RASGEF1C: variants seen among roughly 807,000 people sequenced by gnomAD.
The protein encoded by RASGEF1C is RasGEF domain family member 1C.
In RASGEF1C, 27 loss-of-function variants were observed where a neutral mutation model predicts 58.1. The observed-to-expected ratio is 0.46, with a 90% confidence interval of 0.34 to 0.64. The LOEUF (loss-of-function observed/expected upper bound fraction) is 0.64, where lower values mean the gene tolerates loss of function less well. Among genes scored for constraint, RASGEF1C ranks in the 30% least tolerant of loss-of-function variants. The pLI is 0.01. For synonymous variants in RASGEF1C, 243 were observed against 246.3 expected (o/e 0.99, Z 0.13); for missense variants, 502 against 605.1 (o/e 0.83, Z 1.79).
chr5:180,119,521 C>A (rs1263102429), intron 7 of RASGEF1C, 73 bp from the exon 8 acceptor site: 1 of 1,151,936 alleles, frequency 8.7e-7, no homozygotes, highest in East Asian at 2.4e-5. Context: ...CTCCCCTCAC[C>A]TGGCCCGCTT....
In RASGEF1C at chr5:180,114,467, G is replaced by T; in HGVS notation, c.1158C>A (p.Pro386=). 6.2e-7 allele frequency: 1 copy of T among 1,612,926 alleles called. No homozygotes were observed. Among genetic ancestry groups the T allele is most frequent in the South Asian group, 1.1e-5 (1 of 90,958 alleles). ...FLNEGCANRL[P]NGHVNFEKFL... The stretch of plus-strand genomic sequence containing the variant: ...CTACCTCAAAGTTGACGTGTCCATT[G>T]GGAAGGCGGTTGGCGCAGCCCTCAT... The change falls in exon 11 of 14, where the codon CCC becomes CCA. Residue 386 remains proline (P), a synonymous_variant. Transcript: ENST00000361132.
At chr5:180,118,915 C>T in intron 8 of RASGEF1C, 49 bp from the exon 9 acceptor site, 1 of 1,559,630 alleles carries the variant, frequency 6.4e-7, no homozygotes, top group Non-Finnish European at 8.8e-7. Context: ...GACAGGGGGG[C>T]CTCTGCGTAG....
intron 12 of RASGEF1C, among the ~76,000 whole-genome samples, chr5:180,106,976 C>T (rs1765882738): frequency 6.6e-6 from 1 of 152,118 alleles, no homozygotes; most frequent in Non-Finnish European, 1.5e-5. Flanking sequence ...GTTAGGATTG[C>T]TATATCTTGG....
intron 1 of RASGEF1C, among the ~76,000 whole-genome samples, chr5:180,187,003 A>G (rs986090544): frequency 3.3e-5 from 5 of 152,200 alleles, no homozygotes; most frequent in African/African-American, 1.2e-4. Context: ...TAAAATACAT[A>G]TGGAATTGCA....
At chr5:180,182,975 C>T (rs1333938891) in intron 1 of RASGEF1C, among the ~76,000 whole-genome samples, 1 of 152,204 alleles carries the variant, frequency 6.6e-6, no homozygotes, top group African/African-American at 2.4e-5. Flanking sequence ...GATGTCACTC[C>T]TGTGATTAGG....
chr5:180,117,979 G>A (rs1461644472), intron 10 of RASGEF1C, among the ~76,000 whole-genome samples: 1 of 123,524 alleles, frequency 8.1e-6, no homozygotes, highest in Non-Finnish European at 1.6e-5. Context: ...GGGCGACAGA[G>A]AGAGACTCCA....
chr5:180,174,552 GTGTC>G (rs1294324764), intron 1 of RASGEF1C, among the ~76,000 whole-genome samples: 3 of 145,950 alleles, frequency 2.1e-5, no homozygotes, highest in East Asian at 1.9e-4. Flanking sequence ...GTGTGTGCGT[GTGTC>G]TGTGTGTGCA....
At chr5:180,167,645 A>T (rs1247314486) in intron 1 of RASGEF1C, among the ~76,000 whole-genome samples, 3 of 151,996 alleles carry the variant, frequency 2.0e-5, no homozygotes, top group East Asian at 1.9e-4. Context: ...CCCTTACTTG[A>T]TGTAGCATTT....
intron 1 of RASGEF1C, among the ~76,000 whole-genome samples, chr5:180,191,118 T>G (rs1046577700): frequency 6.6e-6 from 1 of 152,188 alleles, no homozygotes; most frequent in Non-Finnish European, 1.5e-5. Flanking sequence ...TTAGAACGGC[T>G]AAAACTTAAA....
At chr5:180,186,205 T>A (rs1235258489) in intron 1 of RASGEF1C, among the ~76,000 whole-genome samples, 1 of 146,440 alleles carries the variant, frequency 6.8e-6, no homozygotes, top group East Asian at 2.0e-4. Flanking sequence ...GAAGAAGAAA[T>A]AAATGGCTTT....
chr5:180,104,263 G>A (rs1208395976), intron 12 of RASGEF1C, among the ~76,000 whole-genome samples: 2 of 152,286 alleles, frequency 1.3e-5, no homozygotes, highest in South Asian at 4.1e-4. Context: ...GTGGGGTCTG[G>A]AGGAGGCGAT....
intron 6 of RASGEF1C, among the ~76,000 whole-genome samples, chr5:180,125,707 G>A (rs914724860): frequency 2.6e-5 from 4 of 151,984 alleles, no homozygotes; most frequent in South Asian, 2.1e-4. Context: ...GCTTGAACCC[G>A]GGAGGTGGAG....
chr5:180,117,546 C>G (rs78011085), intron 10 of RASGEF1C, among the ~76,000 whole-genome samples: 4,449 of 152,280 alleles, frequency 0.029, 220 homozygotes, highest in African/African-American at 0.1. Context: ...ATGAACAACT[C>G]TAATCATCAG....
At chr5:180,147,453 T>C (rs1055032612) in intron 1 of RASGEF1C, among the ~76,000 whole-genome samples, 4 of 152,288 alleles carry the variant, frequency 2.6e-5, no homozygotes, top group African/African-American at 9.6e-5. Flanking sequence ...AATTTTCCAT[T>C]AAGGACAGTT....
At chr5:180,160,053 T>C (rs1766915790) in intron 1 of RASGEF1C, among the ~76,000 whole-genome samples, 1 of 152,208 alleles carries the variant, frequency 6.6e-6, no homozygotes, top group Non-Finnish European at 1.5e-5. Context: ...TACTCCTGCC[T>C]CCAGGGCTCA....
At chr5:180,205,467 A>G (rs1235823149) in intron 1 of RASGEF1C, among the ~76,000 whole-genome samples, 3 of 152,156 alleles carry the variant, frequency 2.0e-5, no homozygotes, top group Non-Finnish European at 4.4e-5. Flanking sequence ...AGTTTTGGAT[A>G]AGATAACTCA....
rs973812414 is a variant in RASGEF1C at position 180,201,424 on chromosome 5, A to G, written c.-7+7604T>C. On this transcript the variant is annotated intron_variant, in intron 1 of 13. Transcript: ENST00000361132. ...ACAAGAAAATGGTGCACTTCATAAC[A>G]ACAACAGGAGAGGGCGCTCTTACAC... Among the ~76,000 whole-genome samples, 58 of 152,314 alleles carry G rather than the reference A, an allele frequency of 3.8e-4. 1 individual carries two copies. The highest frequency in any genetic ancestry group is 1.3e-3 in the African/African-American group (56 of 41,566).
intron 1 of RASGEF1C, among the ~76,000 whole-genome samples, chr5:180,163,414 G>T (rs1175249079): frequency 7.2e-5 from 11 of 151,752 alleles, no homozygotes; most frequent in African/African-American, 2.4e-4. Flanking sequence ...ATCAGATTGG[G>T]GAAGTTCCCT....
In RASGEF1C at chr5:180,168,160, G is replaced by A. The variant is rs1240109632; in HGVS notation, c.-6-30102C>T. On this transcript the variant is annotated intron_variant, in intron 1 of 13. Coordinates refer to ENST00000361132, the MANE Select transcript of RASGEF1C (RefSeq NM_175062.4). The surrounding 1 kb of genome is among the most constrained non-coding windows in gnomAD (Gnocchi z 6.0). ...ACAAACAAAAAAAAGGCCAGGCGCA[G>A]TGGCTCACACCTGTAATCCCAGCAC... Among the ~76,000 whole-genome samples the A allele has an allele frequency of 6.6e-6, 1 of 152,174 alleles. No individual in the cohort carries two copies. Among genetic ancestry groups the A allele is most frequent in the Non-Finnish European group, 1.5e-5 (1 of 68,040 alleles).
Sources: gnomAD v4.1 joint callset for allele counts (sites outside exome capture counted in the v4.1 genomes callset) on GRCh38, gnomAD v4.1.1 for gene constraint, Gnocchi (gnomAD v3.1) non-coding constraint, MANE v1.5 for transcripts, NCBI Gene and HGNC (gene_info 2026-07-23, HGNC 2026-07-21) for gene names.